RAVER2: variants seen among roughly 807,000 people sequenced by gnomAD.
RAVER2 encodes the protein ribonucleoprotein PTB-binding 2.
Under a neutral mutation model 78.1 loss-of-function variants are expected in RAVER2, and 46 were observed. The observed-to-expected ratio is 0.59, with a 90% confidence interval of 0.46 to 0.75. The LOEUF is 0.75. Ranked by LOEUF, RAVER2 falls within the 30% of genes least tolerant of loss-of-function variation. The pLI, the probability that RAVER2 is intolerant of heterozygous loss-of-function variation, is 0.00. For synonymous variants in RAVER2, 311 were observed against 313.3 expected (o/e 0.99, Z 0.08); for missense variants, 793 against 837.5 (o/e 0.95, Z 0.66).
At chr1:64,763,136 C>CTA (rs1557584868) in intron 1 of RAVER2, among the ~76,000 whole-genome samples, 2 of 151,960 alleles carry the variant, frequency 1.3e-5, no homozygotes, top group African/African-American at 4.8e-5. Flanking sequence ...GGTGAAACTC[C>CTA]GTCTCTACTA....
Position 64,768,716 on chromosome 1 carries a change from C to T in RAVER2, c.310C>T (p.Arg104Ter), listed in dbSNP as rs757204301. The change falls in exon 2 of 12, where the codon CGA (arginine) becomes TGA (stop). Residue 104 changes from arginine (R) to a stop codon, truncating the protein, a stop_gained. Transcript: ENST00000294428. LOFTEE classifies it high-confidence loss of function. ...ATATTGTTATGTGGACAGAAATAAA[C>T]GAACAGGTAAGATTTCTATTCTAAG... The T allele has an allele frequency of 2.0e-5, 31 of 1,525,524 alleles. No homozygotes were observed. Among genetic ancestry groups the T allele is most frequent in the East Asian group, 6.8e-5 (3 of 44,084 alleles). The allele number at this position is 1,525,524 out of a possible 1,614,324, so 94.5% of individuals were successfully genotyped here. A position where few individuals can be genotyped will look rare whatever the true frequency, so the allele number is the denominator to read the frequency against.
intron 2 of RAVER2, among the ~76,000 whole-genome samples, chr1:64,775,542 A>T (rs1355126441): frequency 6.6e-6 from 1 of 152,138 alleles, no homozygotes; most frequent in African/African-American, 2.4e-5. Flanking sequence ...GAAAAAAGAT[A>T]TTCAGCGGCC....
chr1:64,779,542 AT>A (rs11354689), intron 3 of RAVER2, among the ~76,000 whole-genome samples: 62,031 of 143,704 alleles, frequency 0.43, 13,742 homozygotes, highest in African/African-American at 0.59. Flanking sequence ...CTACTTTTTA[AT>A]TTTTTTTTTT....
In RAVER2 at chr1:64,794,557, GCTCT is replaced by G. The variant is rs1205815944; in HGVS notation, c.1105+5046_1105+5049del. Reference sequence around the variant, plus strand: ...TTAGCCTTTCTATTGGATGTATAGTGCTCTCTTACTGTGGTTTTAATTTGAATAT... The same window carrying G: ...TTAGCCTTTCTATTGGATGTATAGTGCTTACTGTGGTTTTAATTTGAATAT... On this transcript the variant is annotated intron_variant, in intron 5 of 11. Transcript: ENST00000294428. Among the ~76,000 whole-genome samples, 4 of 152,094 alleles carry G rather than the reference GCTCT, an allele frequency of 2.6e-5. No individual in the cohort carries two copies. In the East Asian group the frequency reaches 5.8e-4, roughly 22 times the overall value.
intron 1 of RAVER2, among the ~76,000 whole-genome samples, chr1:64,767,513 T>G (rs1652206589): frequency 6.6e-6 from 1 of 151,994 alleles, no homozygotes; most frequent in South Asian, 2.1e-4. Context: ...ATAATAAGAT[T>G]ATTATTGAAT....
intron 6 of RAVER2, among the ~76,000 whole-genome samples, chr1:64,803,622 C>A (rs367546580): frequency 2.0e-5 from 3 of 152,048 alleles, no homozygotes; most frequent in East Asian, 3.9e-4. Flanking sequence ...AATATATAAT[C>A]GAATTTTAAT....
At chr1:64,763,170 G>A (rs944105895) in intron 1 of RAVER2, among the ~76,000 whole-genome samples, 5 of 152,094 alleles carry the variant, frequency 3.3e-5, no homozygotes, top group African/African-American at 4.8e-5. Flanking sequence ...GGTGGCTGGC[G>A]CCTGTAGTCC....
intron 2 of RAVER2, among the ~76,000 whole-genome samples, chr1:64,775,709 G>C (rs916868425): frequency 7.9e-5 from 12 of 152,134 alleles, no homozygotes; most frequent in Non-Finnish European, 7.4e-5. Flanking sequence ...AGCAAATCAA[G>C]AAAGAGTACA....
chr1:64,793,779 T>C (rs1653013098), intron 5 of RAVER2, among the ~76,000 whole-genome samples: 1 of 152,218 alleles, frequency 6.6e-6, no homozygotes, highest in Non-Finnish European at 1.5e-5. Context: ...CAGTTTGTAT[T>C]TTCTAGAAAT....
chr1:64,812,321 C>T lies in RAVER2; in HGVS notation c.1681-417C>T, dbSNP rs538764071. Among the ~76,000 whole-genome samples, 179 of 132,216 alleles carry T rather than the reference C, an allele frequency of 1.4e-3. 1 individual carries two copies. Among genetic ancestry groups the T allele is most frequent in the African/African-American group, 5.3e-3 (173 of 32,428 alleles). 86.7% of individuals were successfully genotyped at this position (132,216 alleles called of 152,430 possible). A position where few individuals can be genotyped will look rare whatever the true frequency, so the allele number is the denominator to read the frequency against. On this transcript the variant is annotated intron_variant, in intron 9 of 11. Transcript: ENST00000294428. ...AGGTTTCAGTGAGCTGAGATTGCAC[C>T]ATTGCACTCCAGCCTGGGCAATAGA... is the stretch of plus-strand genomic sequence containing the variant.
chr1:64,802,969 C>G lies in RAVER2; in HGVS notation c.1106-7C>G. 3 of 1,581,874 alleles carry G rather than the reference C, an allele frequency of 1.9e-6. No homozygotes were observed. Among genetic ancestry groups the G allele is most frequent in the Non-Finnish European group, 2.6e-6 (3 of 1,163,750 alleles). On this transcript the variant is annotated splice_region_variant and splice_polypyrimidine_tract_variant and intron_variant, in intron 5 of 11. Transcript: ENST00000294428. ...AAATTAAAGTTTTTACTTTTATTTT[C>G]TCAAAGCCGTTCTTGGAACACCTCA...
intron 3 of RAVER2, among the ~76,000 whole-genome samples, chr1:64,779,831 G>A (rs986051747): frequency 2.0e-5 from 3 of 151,488 alleles, no homozygotes; most frequent in Admixed American, 1.3e-4. Context: ...AGCTTTACAT[G>A]TCATAGAAAA....
intron 11 of RAVER2, among the ~76,000 whole-genome samples, chr1:64,822,511 A>G (rs908122666): frequency 1.9e-4 from 29 of 152,342 alleles, no homozygotes; most frequent in African/African-American, 7.0e-4. Context: ...GAAAGAAAAG[A>G]GAATGAAGAA....
At chr1:64,827,256 T>G (rs11589788) in intron 11 of RAVER2, among the ~76,000 whole-genome samples, 1 of 151,952 alleles carries the variant, frequency 6.6e-6, no homozygotes, top group African/African-American at 2.4e-5. Context: ...CAGCTGAGAG[T>G]GAAGATGAGG....
At chr1:64,803,915 G>A (rs180939474) in intron 6 of RAVER2, among the ~76,000 whole-genome samples, 16 of 152,128 alleles carry the variant, frequency 1.1e-4, no homozygotes, top group African/African-American at 3.6e-4. Context: ...TATGAGAGGG[G>A]AAGTTCAGAG....
At chr1:64,749,350 A>T (rs1026929201) in intron 1 of RAVER2, among the ~76,000 whole-genome samples, 1 of 152,182 alleles carries the variant, frequency 6.6e-6, no homozygotes, top group Non-Finnish European at 1.5e-5. Flanking sequence ...AGCTGGGATT[A>T]CAGGCATGTG....
chr1:64,765,159 G>A (rs569312032), intron 1 of RAVER2, among the ~76,000 whole-genome samples: 47 of 152,102 alleles, frequency 3.1e-4, no homozygotes, highest in Non-Finnish European at 6.0e-4. Context: ...ACTGTTGATG[G>A]GACTGTACAC....
chr1:64,800,556 A>G (rs970422570), intron 5 of RAVER2, among the ~76,000 whole-genome samples: 1 of 152,126 alleles, frequency 6.6e-6, no homozygotes, highest in Non-Finnish European at 1.5e-5. Context: ...TACTGAAGTT[A>G]TTTGTCTAAG....
intron 5 of RAVER2, among the ~76,000 whole-genome samples, chr1:64,796,620 C>G (rs1053887458): frequency 3.9e-5 from 6 of 152,068 alleles, no homozygotes; most frequent in African/African-American, 1.2e-4. Flanking sequence ...TGGCCTCTTT[C>G]ACATTCCTGA....
Sources: allele counts gnomAD v4.1 joint callset (sites outside exome capture counted in the v4.1 genomes callset), GRCh38; gene constraint gnomAD v4.1.1; transcripts MANE v1.5; gene names NCBI Gene and HGNC (gene_info 2026-07-23, HGNC 2026-07-21).